Variants in ENTREP2 observed in about 807,000 individuals in gnomAD.
ENTREP2 encodes the protein protein ENTREP2.
At chr15:29,598,992 G>T in the ENTREP2 span, among the ~76,000 whole-genome samples, 2 of 152,310 alleles carry the variant, frequency 1.3e-5, no homozygotes, top group Non-Finnish European at 2.9e-5. Context: ...CACGGCGCCT[G>T]GCCAAAGTGA....
chr15:29,433,413 C>T, the ENTREP2 span, among the ~76,000 whole-genome samples: 6 of 152,320 alleles, frequency 3.9e-5, 1 homozygote, highest in African/African-American at 9.6e-5. Flanking sequence ...AGAAACTCAA[C>T]TCCAACAGTG....
the ENTREP2 span, among the ~76,000 whole-genome samples, chr15:29,380,646 G>T: frequency 6.6e-6 from 1 of 151,988 alleles, no homozygotes; most frequent in East Asian, 1.9e-4. Flanking sequence ...CATCTCCCGC[G>T]TGGCCTGCTC....
chr15:29,628,980 C>T, the ENTREP2 span, among the ~76,000 whole-genome samples: 1 of 152,138 alleles, frequency 6.6e-6, no homozygotes, highest in Non-Finnish European at 1.5e-5. Context: ...GAACTCCTGA[C>T]CTCAAGTGCT....
chr15:29,282,900 C>A, the ENTREP2 span, among the ~76,000 whole-genome samples: 1 of 152,170 alleles, frequency 6.6e-6, no homozygotes, highest in Non-Finnish European at 1.5e-5. Context: ...TCGGGCCAAC[C>A]AGCCAGATGT....
chr15:29,375,169 A>C, the ENTREP2 span: 1 of 152,178 alleles, frequency 6.6e-6, no homozygotes, highest in Non-Finnish European at 1.5e-5. Flanking sequence ...ATTTAGCTCA[A>C]GGCTAGTTAT....
At chr15:29,535,118 G>A in the ENTREP2 span, among the ~76,000 whole-genome samples, 9 of 151,856 alleles carry the variant, frequency 5.9e-5, no homozygotes, top group Admixed American at 5.9e-4. Context: ...GGCATGGTGG[G>A]GCAAGCCTGT....
At chr15:29,550,091 A>T in the ENTREP2 span, among the ~76,000 whole-genome samples, 1 of 152,188 alleles carries the variant, frequency 6.6e-6, no homozygotes, top group South Asian at 2.1e-4. Context: ...CCCTCCAGAC[A>T]TGATCAGACT....
At chr15:29,343,356 G>A in the ENTREP2 span, among the ~76,000 whole-genome samples, 3 of 152,010 alleles carry the variant, frequency 2.0e-5, no homozygotes, top group East Asian at 5.8e-4. Context: ...ATCAGTCAAA[G>A]GCCCTCAGAG....
At chr15:29,653,031 G>A in the ENTREP2 span, among the ~76,000 whole-genome samples, 1 of 152,226 alleles carries the variant, frequency 6.6e-6, no homozygotes, top group African/African-American at 2.4e-5. Context: ...ACTGCAAGAA[G>A]TGTATCCTTG....
chr15:29,348,532 G>T, the ENTREP2 span, among the ~76,000 whole-genome samples: 3 of 152,216 alleles, frequency 2.0e-5, no homozygotes, highest in Non-Finnish European at 2.9e-5. Context: ...GGTTGCAGAT[G>T]GAGGAGTTGG....
chr15:29,387,135 T>C, the ENTREP2 span, among the ~76,000 whole-genome samples: 121 of 152,330 alleles, frequency 7.9e-4, no homozygotes, highest in African/African-American at 2.9e-3. Flanking sequence ...GGCTGTGGGT[T>C]TGTCATAGAT....
At chr15:29,489,491 A>ACTTTAATT in the ENTREP2 span, among the ~76,000 whole-genome samples, 2 of 97,212 alleles carry the variant, frequency 2.1e-5, no homozygotes, top group South Asian at 3.3e-4. Flanking sequence ...GGCCACCTGA[A>ACTTTAATT]CTTTGATTCT....
the ENTREP2 span, among the ~76,000 whole-genome samples, chr15:29,255,926 G>A: frequency 1.1e-4 from 17 of 150,892 alleles, no homozygotes; most frequent in African/African-American, 3.2e-4. Flanking sequence ...GCATGAACCC[G>A]GGAGGCGGAG....
the ENTREP2 span, chr15:29,118,441 G>C: frequency 6.6e-6 from 1 of 152,248 alleles, no homozygotes; most frequent in African/African-American, 2.4e-5. Flanking sequence ...GCTCCTCCTG[G>C]ATCCTGAACC....
At chr15:29,664,054 G>A in the ENTREP2 span, among the ~76,000 whole-genome samples, 1 of 151,944 alleles carries the variant, frequency 6.6e-6, no homozygotes, top group Non-Finnish European at 1.5e-5. Context: ...ATAGCATGGG[G>A]GTATGAAGCC....
chr15:29,369,601 A>T, the ENTREP2 span, among the ~76,000 whole-genome samples: 813 of 152,184 alleles, frequency 5.3e-3, 11 homozygotes, highest in African/African-American at 0.019. Flanking sequence ...AAACACACAC[A>T]CACACACACA....
chr15:29,653,730 C>T, the ENTREP2 span, among the ~76,000 whole-genome samples: 8 of 152,312 alleles, frequency 5.3e-5, no homozygotes, highest in South Asian at 1.5e-3. Context: ...AGTTACCCAG[C>T]CTTGGGCAGT....
At chr15:29,614,950 G>C in the ENTREP2 span, among the ~76,000 whole-genome samples, 1 of 152,136 alleles carries the variant, frequency 6.6e-6, no homozygotes, top group Non-Finnish European at 1.5e-5. Flanking sequence ...GAAGAGGATG[G>C]GATTTTCCAT....
the ENTREP2 span, chr15:29,373,626 C>CTTT: frequency 1.1e-4 from 16 of 151,554 alleles, no homozygotes; most frequent in African/African-American, 3.1e-4. Flanking sequence ...ATTTTGCTTT[C>CTTT]TTTTATTTTT....
Sources: gnomAD v4.1 joint callset for allele counts (sites outside exome capture counted in the v4.1 genomes callset) on GRCh38, gnomAD v4.1.1 for gene constraint, MANE v1.5 for transcripts, NCBI Gene and HGNC (gene_info 2026-07-23, HGNC 2026-07-21) for gene names.